ACAP2: variants seen among roughly 807,000 people sequenced by gnomAD.
The protein encoded by ACAP2 is arf-GAP with coiled-coil, ANK repeat and PH domain-containing protein 2.
ACAP2 carries 39 observed loss-of-function variants against 115.8 expected under a neutral mutation model. The ratio of observed to expected loss-of-function variants is 0.34; its 90% CI spans 0.26 to 0.44. The LOEUF (loss-of-function observed/expected upper bound fraction) is 0.44, where lower values mean the gene tolerates loss of function less well. Ranked by LOEUF, ACAP2 falls within the 20% of genes least tolerant of loss-of-function variation. The pLI is 1.00. For synonymous variants in ACAP2, 289 were observed against 315.8 expected, an observed-to-expected ratio of 0.92 and a Z score of 0.90; for missense variants, 662 against 927.6, an observed-to-expected ratio of 0.71 and a Z score of 3.72.
intron 2 of ACAP2, among the ~76,000 whole-genome samples, chr3:195,384,812 A>C (rs1331004159): frequency 6.6e-6 from 1 of 152,202 alleles, no homozygotes; most frequent in Non-Finnish European, 1.5e-5. Flanking sequence ...ACTGATTTTC[A>C]CTGGGTACAC....
chr3:195,335,518 A>G (rs1730443528), intron 7 of ACAP2, among the ~76,000 whole-genome samples: 1 of 152,196 alleles, frequency 6.6e-6, no homozygotes, highest in Non-Finnish European at 1.5e-5. Flanking sequence ...AAAGACAAAG[A>G]TGTATGCCAA....
intron 1 of ACAP2, among the ~76,000 whole-genome samples, chr3:195,433,750 T>C (rs1715319972): frequency 6.6e-6 from 1 of 152,266 alleles, no homozygotes; most frequent in Non-Finnish European, 1.5e-5. Context: ...ATTGCATTGA[T>C]TGATTTTTGT....
At chr3:195,439,709 C>T (rs2108880284) in intron 1 of ACAP2, among the ~76,000 whole-genome samples, 1 of 152,148 alleles carries the variant, frequency 6.6e-6, no homozygotes, top group Admixed American at 6.6e-5. Flanking sequence ...TCACTACAGC[C>T]TCTGCCTCCC....
intron 6 of ACAP2, among the ~76,000 whole-genome samples, chr3:195,338,193 C>T (rs1560259883): frequency 6.6e-6 from 1 of 152,206 alleles, no homozygotes; most frequent in East Asian, 1.9e-4. Flanking sequence ...TCTCCCTAAC[C>T]GAAGTGTAAA....
At position 195,380,947 on chromosome 3, in the gene ACAP2, G is replaced by T; in HGVS notation, c.285+62C>A. 4 of 1,403,656 alleles carry T rather than the reference G, an allele frequency of 2.8e-6. No individual in the cohort carries two copies. The South Asian group carries it at 3.8e-5, about 13-fold the overall frequency. The allele number at this position is 1,403,656 out of a possible 1,614,324, so 87.0% of individuals were successfully genotyped here. The stretch of plus-strand genomic sequence containing the variant: ...TTTTAGTCATTTCATAAAACATTGC[G>T]ACTCAAGAAAAATACTAAAATGTTA... On this transcript the variant is annotated intron_variant, in intron 4 of 22. Coordinates refer to ENST00000326793, the MANE Select transcript of ACAP2 (RefSeq NM_012287.6).
In ACAP2 at chr3:195,372,987, C is replaced by CAAAAAAAAAAAA. The variant is rs869134113; in HGVS notation, c.285+8010_285+8021dup. ...TGGGCGACAGAGCGAGACTCCATCT[C>CAAAAAAAAAAAA]AAAAAAAAAAAAAAAAAAAAAAAAA... On this transcript the variant is annotated intron_variant, in intron 4 of 22. Transcript: ENST00000326793. Among the ~76,000 whole-genome samples the CAAAAAAAAAAAA allele has an allele frequency of 7.3e-4, 13 of 17,778 alleles. 1 individual carries two copies. Among genetic ancestry groups the CAAAAAAAAAAAA allele is most frequent in the African/African-American group, 1.1e-3 (6 of 5,282 alleles). The allele number at this position is 17,778 out of a possible 152,430, so 11.7% of individuals were successfully genotyped here. A position where few individuals can be genotyped will look rare whatever the true frequency, so the allele number is the denominator to read the frequency against.
At chr3:195,288,789 T>C (rs891896337) in intron 21 of ACAP2, among the ~76,000 whole-genome samples, 28 of 151,272 alleles carry the variant, frequency 1.9e-4, no homozygotes, top group Non-Finnish European at 3.4e-4. Context: ...ATCTGGGAGG[T>C]GGAGGTTGCA....
rs1447880176 is a variant in ACAP2, at chr3:195,382,033, A to G, written c.112-11T>C. The G allele has an allele frequency of 1.9e-6, 3 of 1,600,314 alleles. No individual in the cohort carries two copies. Among genetic ancestry groups the G allele is most frequent in the Non-Finnish European group, 2.6e-6 (3 of 1,175,660 alleles). On this transcript the variant is annotated splice_polypyrimidine_tract_variant and intron_variant, in intron 2 of 22. Coordinates refer to ENST00000326793, the MANE Select transcript of ACAP2 (RefSeq NM_012287.6). ...ACAAAGTTTCACAAGCTGAAAAAGA[A>G]AAAAAAAATTCATCAGGTTGAAGAT...
chr3:195,348,395 C>CT (rs1731322307), intron 4 of ACAP2, among the ~76,000 whole-genome samples: 1 of 151,996 alleles, frequency 6.6e-6, no homozygotes, highest in African/African-American at 2.4e-5. Flanking sequence ...GTCTTCACAT[C>CT]TTCATTGCTG....
intron 8 of ACAP2, among the ~76,000 whole-genome samples, chr3:195,328,983 G>C (rs1479208105): frequency 6.6e-6 from 1 of 151,818 alleles, no homozygotes; most frequent in Non-Finnish European, 1.5e-5. Context: ...GGGAGGCTAA[G>C]GCAGGAGAAT....
chr3:195,351,062 A>G lies in ACAP2; in HGVS notation c.286-5745T>C, dbSNP rs1731535806. On this transcript the variant is annotated intron_variant, in intron 4 of 22. Coordinates refer to ENST00000326793, the MANE Select transcript of ACAP2 (RefSeq NM_012287.6). ...AAAAATGAAAAAGGCAAGCCAAAGC[A>G]TGGAAGAAAATATCTGCAAAACATA... Among the ~76,000 whole-genome samples the G allele has an allele frequency of 2.0e-5, 3 of 152,190 alleles. No homozygotes were observed. In the South Asian group the frequency reaches 6.2e-4, roughly 31 times the overall value.
chr3:195,397,518 C>T (rs1711895145), intron 1 of ACAP2, among the ~76,000 whole-genome samples: 1 of 152,042 alleles, frequency 6.6e-6, no homozygotes, highest in South Asian at 2.1e-4. Flanking sequence ...ATGTGAATGG[C>T]CACCCCTTAT....
At chr3:195,416,714 T>G (rs895879479) in intron 1 of ACAP2, among the ~76,000 whole-genome samples, 1 of 152,196 alleles carries the variant, frequency 6.6e-6, no homozygotes, top group African/African-American at 2.4e-5. Flanking sequence ...TTTCTTATAA[T>G]GAATTTCCAA....
chr3:195,383,133 T>TAA (rs2108754764), intron 2 of ACAP2, among the ~76,000 whole-genome samples: 1 of 152,278 alleles, frequency 6.6e-6, no homozygotes, highest in South Asian at 2.1e-4. Flanking sequence ...AGATGTCTTT[T>TAA]AAATTGTTTG....
chr3:195,283,902 T>C (rs1204688533), intron 22 of ACAP2, among the ~76,000 whole-genome samples: 1 of 152,158 alleles, frequency 6.6e-6, no homozygotes, highest in East Asian at 1.9e-4. Context: ...TTTTTCAAGT[T>C]TTCATTAAAT....
chr3:195,389,215 G>A (rs937728601), intron 2 of ACAP2, among the ~76,000 whole-genome samples: 2 of 151,966 alleles, frequency 1.3e-5, no homozygotes, highest in Admixed American at 6.6e-5. Context: ...ACTCAATGTC[G>A]ATACTTCAAT....
intron 4 of ACAP2, among the ~76,000 whole-genome samples, chr3:195,347,589 G>A (rs951498250): frequency 6.6e-6 from 1 of 152,168 alleles, no homozygotes; most frequent in Non-Finnish European, 1.5e-5. Flanking sequence ...AGAACTTTCT[G>A]GATAACGGTA....
In ACAP2 at chr3:195,370,210, T is replaced by C. The variant is rs1250322705; in HGVS notation, c.285+10799A>G. On this transcript the variant is annotated intron_variant, in intron 4 of 22. Coordinates refer to ENST00000326793, the MANE Select transcript of ACAP2 (RefSeq NM_012287.6). The stretch of plus-strand genomic sequence containing the variant: ...CTCCCACTGTAGGTTGTCTGTTTAC[T>C]CTGTTGACAGTTTCTTTTACTGTGC... 2.0e-5 allele frequency among the ~76,000 whole-genome samples: 3 copies of C among 152,260 alleles called. No homozygotes were observed. The East Asian group carries it at 5.8e-4, about 29-fold the overall frequency.
chr3:195,327,550 A>C (rs1729874395), intron 8 of ACAP2, among the ~76,000 whole-genome samples: 1 of 152,202 alleles, frequency 6.6e-6, no homozygotes, highest in Admixed American at 6.5e-5. Flanking sequence ...AATAATAATA[A>C]TAAAAGAATA....
Sources: allele counts gnomAD v4.1 joint callset (sites outside exome capture counted in the v4.1 genomes callset), GRCh38; gene constraint gnomAD v4.1.1; transcripts MANE v1.5; gene names NCBI Gene and HGNC (gene_info 2026-07-23, HGNC 2026-07-21).